CSMD1: variants seen among roughly 807,000 people sequenced by gnomAD.
The protein encoded by CSMD1 is CUB and sushi domain-containing protein 1.
In CSMD1, 213 loss-of-function variants were observed where a neutral mutation model predicts 417.5. The observed-to-expected ratio is 0.51, with a 90% CI of 0.46 to 0.57. The LOEUF is 0.57. CSMD1 is among the 20% of genes least tolerant of loss of function. CSMD1 has a pLI of 0.00. For missense variants in CSMD1, 6,923 were observed against 4,529.7 expected (o/e 1.53, Z -15.17); for synonymous variants, 2,862 against 1,736.8 (o/e 1.65, Z -16.11).
intron 1 of CSMD1, among the ~76,000 whole-genome samples, chr8:4,861,343 T>G (rs537598177): frequency 2.6e-5 from 4 of 152,216 alleles, no homozygotes; most frequent in South Asian, 2.1e-4. Context: ...AGCTTGACAT[T>G]TCAGGCTTTA....
intron 1 of CSMD1, among the ~76,000 whole-genome samples, chr8:4,817,028 G>C (rs568533333): frequency 6.6e-5 from 10 of 152,238 alleles, no homozygotes; most frequent in African/African-American, 1.9e-4. Flanking sequence ...TCCTGGCAGG[G>C]AAATGCGTGT....
chr8:4,719,283 T>C (rs937578836), intron 1 of CSMD1, among the ~76,000 whole-genome samples: 1 of 152,190 alleles, frequency 6.6e-6, no homozygotes, highest in Admixed American at 6.6e-5. Flanking sequence ...ATTAACAAAG[T>C]AGATAAATAA....
At chr8:4,168,479 A>C (rs557870414) in intron 3 of CSMD1, among the ~76,000 whole-genome samples, 7 of 152,162 alleles carry the variant, frequency 4.6e-5, no homozygotes, top group Admixed American at 2.6e-4. Context: ...GGATGTGGTA[A>C]AAGTAGAAAA....
intron 2 of CSMD1, among the ~76,000 whole-genome samples, chr8:4,555,137 A>C (rs1798032043): frequency 6.6e-6 from 1 of 152,242 alleles, no homozygotes. Context: ...AATCGATGTG[A>C]AATATGATCA....
chr8:4,057,887 A>T (rs1798778622), intron 3 of CSMD1, among the ~76,000 whole-genome samples: 1 of 151,952 alleles, frequency 6.6e-6, no homozygotes, highest in Non-Finnish European at 1.5e-5. Context: ...TGTTCCATTG[A>T]TCTATATCTC....
At chr8:4,151,822 T>C (rs1033023755) in intron 3 of CSMD1, among the ~76,000 whole-genome samples, 1 of 152,180 alleles carries the variant, frequency 6.6e-6, no homozygotes, top group African/African-American at 2.4e-5. Context: ...GAAGTTTTTT[T>C]ATATATATAG....
chr8:4,965,765 A>C (rs1017544846), intron 1 of CSMD1, among the ~76,000 whole-genome samples: 7 of 152,186 alleles, frequency 4.6e-5, no homozygotes, highest in African/African-American at 1.7e-4. Flanking sequence ...TTTAGGAAGG[A>C]AAAACTGCCC....
rs558959911 is a variant in CSMD1 at position 3,932,204 on chromosome 8, G to T, written c.818+65699C>A. 2.7e-5 allele frequency among the ~76,000 whole-genome samples: 4 copies of T among 150,338 alleles called. No individual in the cohort carries two copies. In the East Asian group the frequency reaches 7.8e-4, roughly 29 times the overall value. ...TAGACACTGTTTCATCGATACTTTG[G>T]TCCCATATCATGTTACTGAAAAGGG... On this transcript the variant is annotated intron_variant, in intron 5 of 69. Transcript: ENST00000635120.
chr8:4,096,046 T>C (rs559574165), intron 3 of CSMD1, among the ~76,000 whole-genome samples: 1 of 141,408 alleles, frequency 7.1e-6, no homozygotes, highest in African/African-American at 2.9e-5. Context: ...GTGTGGTGTG[T>C]TTTGTTCTTG....
At chr8:2,999,326 T>C (rs1047216204) in intron 53 of CSMD1, among the ~76,000 whole-genome samples, 3 of 152,070 alleles carry the variant, frequency 2.0e-5, no homozygotes, top group Non-Finnish European at 2.9e-5. Flanking sequence ...AGGCTAATTA[T>C]TGTATTTTTA....
chr8:4,380,233 G>A (rs575597613), intron 3 of CSMD1, among the ~76,000 whole-genome samples: 4 of 152,162 alleles, frequency 2.6e-5, no homozygotes, highest in African/African-American at 9.7e-5. Context: ...GGACACCAGA[G>A]TAACCTTGCA....
chr8:3,366,277 G>T (rs941423719), intron 20 of CSMD1, among the ~76,000 whole-genome samples: 1 of 152,166 alleles, frequency 6.6e-6, no homozygotes, highest in Admixed American at 6.5e-5. Flanking sequence ...AGACACTGCA[G>T]AGGTTCTCAG....
intron 7 of CSMD1, among the ~76,000 whole-genome samples, chr8:3,653,415 T>C (rs1797956871): frequency 6.6e-6 from 1 of 152,144 alleles, no homozygotes; most frequent in Admixed American, 6.6e-5. Flanking sequence ...TTCAAACGAT[T>C]GTCCTGCCTC....
intron 55 of CSMD1, among the ~76,000 whole-genome samples, chr8:2,977,114 CTTTA>C (rs1347905821): frequency 6.6e-6 from 1 of 151,562 alleles, no homozygotes; most frequent in South Asian, 2.1e-4. Context: ...TATTTTTTAT[CTTTA>C]TTTAAGTTCT....
intron 12 of CSMD1, among the ~76,000 whole-genome samples, chr8:3,431,636 A>G (rs1814223011): frequency 6.6e-6 from 1 of 152,078 alleles, no homozygotes; most frequent in Admixed American, 6.6e-5. Flanking sequence ...ACAACTGACA[A>G]AACTTGTTTA....
intron 55 of CSMD1, among the ~76,000 whole-genome samples, chr8:2,978,140 A>T (rs1805089831): frequency 6.6e-6 from 1 of 152,196 alleles, no homozygotes; most frequent in African/African-American, 2.4e-5. Flanking sequence ...ATGCTCACAA[A>T]ACCCAATCAG....
At chr8:3,315,380 G>A (rs1028747265) in intron 23 of CSMD1, among the ~76,000 whole-genome samples, 1 of 151,534 alleles carries the variant, frequency 6.6e-6, no homozygotes, top group African/African-American at 2.4e-5. Flanking sequence ...ATGTGTGATT[G>A]TTCCATGTTT....
intron 1 of CSMD1, among the ~76,000 whole-genome samples, chr8:4,906,373 G>T (rs11992884): frequency 5.3e-5 from 8 of 151,922 alleles, no homozygotes; most frequent in Non-Finnish European, 1.5e-5. Flanking sequence ...ATGTTATTGT[G>T]GGTAGAACAC....
At chr8:4,383,852 T>A (rs1436067580) in intron 3 of CSMD1, among the ~76,000 whole-genome samples, 1 of 152,140 alleles carries the variant, frequency 6.6e-6, no homozygotes, top group African/African-American at 2.4e-5. Flanking sequence ...AACATGGAAA[T>A]AAACAGAATT....
Sources: allele counts gnomAD v4.1 joint callset (sites outside exome capture counted in the v4.1 genomes callset), GRCh38; gene constraint gnomAD v4.1.1; transcripts MANE v1.5; gene names NCBI Gene and HGNC (gene_info 2026-07-23, HGNC 2026-07-21).